HSPA4: variants seen among roughly 807,000 people sequenced by gnomAD.
HSPA4 encodes the protein heat shock 70 kDa protein 4.
Under a neutral mutation model 106.2 loss-of-function variants are expected in HSPA4, and 25 were observed. The ratio of observed to expected loss-of-function variants is 0.24; its 90% CI spans 0.17 to 0.33. The LOEUF (loss-of-function observed/expected upper bound fraction) is 0.33, where lower values mean the gene tolerates loss of function less well. Ranked by LOEUF, HSPA4 falls within the 10% of genes least tolerant of loss-of-function variation. The pLI is 1.00. For missense variants in HSPA4, 841 were observed against 996.0 expected (o/e 0.84, Z 2.10); for synonymous variants, 332 against 333.6 (o/e 1.00, Z 0.05).
chr5:133,089,801 C>G, intron 11 of HSPA4, 106 bp downstream of exon 11: 1 of 851,072 alleles, frequency 1.2e-6, no homozygotes. Context: ...ATCACTTGAG[C>G]TGAGGAGTTC....
At chr5:133,094,582 T>A (rs1287321802) in intron 13 of HSPA4, among the ~76,000 whole-genome samples, 5 of 152,134 alleles carry the variant, frequency 3.3e-5, no homozygotes, top group Non-Finnish European at 7.3e-5. Context: ...CAAGGACTTG[T>A]TCTCCTATAT....
At chr5:133,091,082 T>C (rs764315897) in intron 11 of HSPA4, 111 bp from the exon 12 acceptor site, 21 of 926,536 alleles carry the variant, frequency 2.3e-5, no homozygotes, top group Non-Finnish European at 3.4e-5. Context: ...TTAAGCATCA[T>C]GTTACTGAGC....
At chr5:133,081,681 G>A (rs1322336717) in intron 7 of HSPA4, among the ~76,000 whole-genome samples, 2 of 152,092 alleles carry the variant, frequency 1.3e-5, no homozygotes. Flanking sequence ...GTACAGAGCT[G>A]ATACTAAGCA....
At chr5:133,093,078 G>A (rs1241491681) in intron 13 of HSPA4, among the ~76,000 whole-genome samples, 1 of 150,446 alleles carries the variant, frequency 6.6e-6, no homozygotes, top group Admixed American at 6.7e-5. Context: ...TGATCCACCT[G>A]TCTTGTCCTC....
chr5:133,064,116 C>T (rs1765279315), intron 1 of HSPA4, among the ~76,000 whole-genome samples: 1 of 152,224 alleles, frequency 6.6e-6, no homozygotes, highest in Admixed American at 6.5e-5. Context: ...TTTCGCCTTT[C>T]TAAAAGAAGC....
rs1331874866 is a variant in HSPA4 at position 133,096,316 on chromosome 5, T to C, written c.1803+66T>C. On this transcript the variant is annotated intron_variant, in intron 14 of 18. Transcript: ENST00000304858. The stretch of plus-strand genomic sequence containing the variant: ...TAATGTTACCATAGTATTCAGACTC[T>C]GTGTCTAGTGACTTTTTGCATTTTT... 4.9e-6 allele frequency: 7 copies of C among 1,432,982 alleles called. No homozygotes were observed. In the Admixed American group the frequency reaches 1.4e-4, roughly 28 times the overall value. 88.8% of individuals were successfully genotyped at this position (1,432,982 alleles called of 1,614,324 possible). A position where few individuals can be genotyped will look rare whatever the true frequency, so the allele number is the denominator to read the frequency against.
intron 7 of HSPA4, among the ~76,000 whole-genome samples, chr5:133,082,181 T>G (rs1027534904): frequency 2.0e-5 from 3 of 152,224 alleles, no homozygotes; most frequent in Non-Finnish European, 4.4e-5. Flanking sequence ...AGGCCACATT[T>G]TGTATGATTC....
At chr5:133,091,148 C>A in intron 11 of HSPA4, 45 bp from the exon 12 acceptor site, 3 of 1,467,282 alleles carry the variant, frequency 2.0e-6, no homozygotes, top group Non-Finnish European at 2.9e-6. Context: ...TGCTTGAATT[C>A]ATCCTCTTAG....
intron 4 of HSPA4, among the ~76,000 whole-genome samples, chr5:133,072,394 T>G (rs936016101): frequency 1.8e-5 from 2 of 111,812 alleles, no homozygotes; most frequent in Non-Finnish European, 3.3e-5. Flanking sequence ...CCAGGGTTGT[T>G]TTTTTTTTTT....
intron 4 of HSPA4, among the ~76,000 whole-genome samples, chr5:133,071,284 CAAAAA>C (rs755520266): frequency 8.1e-5 from 5 of 62,088 alleles, no homozygotes; most frequent in East Asian, 3.9e-4. Context: ...CTGTCTTTAC[CAAAAA>C]AAAAAAAAAA....
chr5:133,056,052 A>G (rs1005040276), intron 1 of HSPA4, among the ~76,000 whole-genome samples: 1 of 152,164 alleles, frequency 6.6e-6, no homozygotes, highest in Admixed American at 6.6e-5. Context: ...ACTCCAACCT[A>G]GGTGACAGAG....
intron 1 of HSPA4, among the ~76,000 whole-genome samples, chr5:133,063,100 CT>C (rs149579524): frequency 0.19 from 27,764 of 149,744 alleles, 2,924 homozygotes; most frequent in Non-Finnish European, 0.25. Context: ...TATTTACTAT[CT>C]TTTTTTTTTA....
chr5:133,081,493 G>C (rs1254386348), intron 7 of HSPA4, among the ~76,000 whole-genome samples: 1 of 151,958 alleles, frequency 6.6e-6, no homozygotes, highest in African/African-American at 2.4e-5. Flanking sequence ...ATAACTTTAG[G>C]TAGGGCCCAG....
intron 7 of HSPA4, among the ~76,000 whole-genome samples, chr5:133,077,563 G>T (rs527851193): frequency 6.6e-6 from 1 of 152,062 alleles, no homozygotes; most frequent in Admixed American, 6.6e-5. Context: ...TGAAATATTC[G>T]GGTTCACTTG....
At chr5:133,096,901 CTT>C (rs760193903) in intron 14 of HSPA4, among the ~76,000 whole-genome samples, 20 of 152,170 alleles carry the variant, frequency 1.3e-4, no homozygotes, top group East Asian at 3.9e-4. Flanking sequence ...TTAAATTTCT[CTT>C]GTCTTAAATT....
intron 3 of HSPA4, among the ~76,000 whole-genome samples, chr5:133,068,222 G>T (rs1023502640): frequency 1.3e-5 from 2 of 152,150 alleles, no homozygotes; most frequent in Non-Finnish European, 2.9e-5. Context: ...CTAGCAGATA[G>T]ATGGACATAC....
chr5:133,059,396 C>G (rs555561869), intron 1 of HSPA4, among the ~76,000 whole-genome samples: 14 of 148,894 alleles, frequency 9.4e-5, no homozygotes, highest in Admixed American at 2.0e-4. Context: ...TGCAGTGAGC[C>G]GAGATTATGC....
At position 133,104,377 on chromosome 5, in the gene HSPA4, A is replaced by G; in HGVS notation, c.2464A>G (p.Thr822Ala). 5 of 1,614,208 alleles carry G rather than the reference A, an allele frequency of 3.1e-6. No homozygotes were observed. The highest frequency in any genetic ancestry group is 1.1e-5 in the South Asian group (1 of 91,080). The change falls in exon 19 of 19, where the codon ACA becomes GCA. Residue 822 changes from threonine to alanine, a missense_variant. Physicochemically the swap from Thr to Ala is moderately conservative, Grantham distance 58. Transcript: ENST00000304858. ...AGGCCCCCAGGCTGCTGAGCAGGGT[A>G]CAGACACAGCTGTGCCTTCGGATTC... is the stretch of plus-strand genomic sequence containing the variant. ...NPGPQAAEQG[T>A]DTAVPSDSDK...
intron 1 of HSPA4, among the ~76,000 whole-genome samples, chr5:133,061,412 G>C (rs1341517377): frequency 7.0e-6 from 1 of 142,338 alleles, no homozygotes; most frequent in Admixed American, 6.8e-5. Context: ...GTGAGCCACC[G>C]CGCCCGGCCG....
Sources: gnomAD v4.1 joint callset for allele counts (sites outside exome capture counted in the v4.1 genomes callset) on GRCh38, gnomAD v4.1.1 for gene constraint, MANE v1.5 for transcripts, NCBI Gene and HGNC (gene_info 2026-07-23, HGNC 2026-07-21) for gene names.